FHIT: variants seen among roughly 807,000 people sequenced by gnomAD.
The protein encoded by FHIT is bis(5'-adenosyl)-triphosphatase.
A neutral mutation model predicts 17.9 loss-of-function variants in FHIT; 19 were observed. The observed-to-expected ratio is 1.06, with a 90% confidence interval of 0.74 to 1.56. The LOEUF is 1.56. Among genes scored for constraint, FHIT ranks in the 40% most tolerant of loss-of-function variants. FHIT has a pLI of 0.00. For synonymous variants in FHIT, 81 were observed against 69.7 expected (o/e 1.16, Z -0.81); for missense variants, 248 against 189.2 (o/e 1.31, Z -1.82).
intron 4 of FHIT, among the ~76,000 whole-genome samples, chr3:60,706,505 A>G (rs1553703602): frequency 6.6e-6 from 1 of 152,208 alleles, no homozygotes; most frequent in Non-Finnish European, 1.5e-5. Flanking sequence ...GTTAGAGGAC[A>G]AGTCTTTGGG....
intron 5 of FHIT, among the ~76,000 whole-genome samples, chr3:60,373,789 C>T (rs1243836794): frequency 6.6e-6 from 1 of 152,158 alleles, no homozygotes; most frequent in Non-Finnish European, 1.5e-5. Context: ...TCTTAAATCG[C>T]TCCTATTCCT....
intron 5 of FHIT, among the ~76,000 whole-genome samples, chr3:60,381,202 G>C (rs2107112315): frequency 6.6e-6 from 1 of 152,276 alleles, no homozygotes; most frequent in Middle Eastern, 3.4e-3. Flanking sequence ...AACAGGCTGG[G>C]CACGGTGGCT....
intron 4 of FHIT, among the ~76,000 whole-genome samples, chr3:60,568,102 A>T (rs1490863634): frequency 6.6e-6 from 1 of 152,202 alleles, no homozygotes. Flanking sequence ...CAATCCCATT[A>T]CTGAGTATAT....
intron 2 of FHIT, among the ~76,000 whole-genome samples, chr3:61,140,428 CT>C (rs1205378374): frequency 6.6e-6 from 1 of 152,144 alleles, no homozygotes; most frequent in Non-Finnish European, 1.5e-5. Flanking sequence ...ACATATCATC[CT>C]TTTTGCTATT....
At chr3:60,921,192 G>C (rs1707261720) in intron 3 of FHIT, among the ~76,000 whole-genome samples, 1 of 152,156 alleles carries the variant, frequency 6.6e-6, no homozygotes, top group Non-Finnish European at 1.5e-5. Flanking sequence ...CAGTGTCTTT[G>C]CTAAAACATT....
intron 1 of FHIT, among the ~76,000 whole-genome samples, chr3:61,209,869 T>A (rs2039398062): frequency 6.6e-6 from 1 of 152,208 alleles, no homozygotes; most frequent in Non-Finnish European, 1.5e-5. Flanking sequence ...CTGCGTTCCT[T>A]TGGAGGAGGA....
At chr3:60,797,155 C>T (rs1003338309) in intron 4 of FHIT, among the ~76,000 whole-genome samples, 6 of 152,146 alleles carry the variant, frequency 3.9e-5, no homozygotes, top group African/African-American at 1.4e-4. Context: ...TTCTGTGGCT[C>T]AGGATTTGGT....
At chr3:60,493,402 T>G (rs1346431658) in intron 5 of FHIT, among the ~76,000 whole-genome samples, 1 of 152,202 alleles carries the variant, frequency 6.6e-6, no homozygotes, top group African/African-American at 2.4e-5. Context: ...TTTCTCATCT[T>G]ATCAGGCAAG....
At chr3:60,144,828 A>G (rs1700173783) in intron 5 of FHIT, among the ~76,000 whole-genome samples, 1 of 152,288 alleles carries the variant, frequency 6.6e-6, no homozygotes, top group African/African-American at 2.4e-5. Flanking sequence ...AAATACCAGA[A>G]TGTATTTCTC....
At chr3:59,797,082 T>A (rs1191100116) in intron 8 of FHIT, among the ~76,000 whole-genome samples, 1 of 152,172 alleles carries the variant, frequency 6.6e-6, no homozygotes. Flanking sequence ...TCTAACACTA[T>A]TTTTGGAAAT....
rs1703736412 is a variant in FHIT at position 60,860,747 on chromosome 3, T to G, written c.-110-38736A>C. Reference sequence around the variant, plus strand: ...GTATATATGTACATATGTTCATATATATCAGGTATATATGATACATATGTA... The same window carrying G: ...GTATATATGTACATATGTTCATATAGATCAGGTATATATGATACATATGTA... On this transcript the variant is annotated intron_variant, in intron 3 of 9. Transcript: ENST00000492590. 5.3e-5 allele frequency among the ~76,000 whole-genome samples: 2 copies of G among 37,698 alleles called. 1 individual carries two copies. The highest frequency in any genetic ancestry group is 7.3e-4 in the Admixed American group (2 of 2,728). The allele number at this position is 37,698 out of a possible 152,430, so 24.7% of individuals were successfully genotyped here.
chr3:59,792,214 C>T (rs1699594783), intron 8 of FHIT, among the ~76,000 whole-genome samples: 1 of 152,130 alleles, frequency 6.6e-6, no homozygotes, highest in Admixed American at 6.6e-5. Context: ...GGCCTCAGAA[C>T]AGGTATATTA....
chr3:60,202,684 G>T (rs1049052941), intron 5 of FHIT, among the ~76,000 whole-genome samples: 1 of 152,142 alleles, frequency 6.6e-6, no homozygotes, highest in Non-Finnish European at 1.5e-5. Context: ...CCTTAAGTAA[G>T]AGAAGGTCCC....
intron 5 of FHIT, among the ~76,000 whole-genome samples, chr3:60,439,196 T>C (rs1001774382): frequency 1.3e-5 from 2 of 152,100 alleles, no homozygotes; most frequent in Non-Finnish European, 2.9e-5. Context: ...TGGGTAACAT[T>C]TATTTGAGAA....
intron 5 of FHIT, among the ~76,000 whole-genome samples, chr3:60,019,933 G>A (rs1023630808): frequency 2.6e-5 from 4 of 152,134 alleles, no homozygotes; most frequent in Admixed American, 1.3e-4. Flanking sequence ...GTAAACTTAT[G>A]GCAGAATAAT....
chr3:61,033,747 T>A (rs2033116146), intron 3 of FHIT, among the ~76,000 whole-genome samples: 1 of 152,216 alleles, frequency 6.6e-6, no homozygotes, highest in South Asian at 2.1e-4. Flanking sequence ...CCCAGGTCTT[T>A]CTTTTAATAA....
At chr3:60,111,092 AAGAAGAAAAAAAAGTAATCTGATAGACCG>A (rs1704648578) in intron 5 of FHIT, among the ~76,000 whole-genome samples, 1 of 152,204 alleles carries the variant, frequency 6.6e-6, no homozygotes, top group Non-Finnish European at 1.5e-5. Flanking sequence ...CTGATAGGCC[AAGAAGAAAAAAAAGTAATCTGATAGACCG>A]AGAAGAAAAA....
chr3:60,650,452 T>A (rs77747122), intron 4 of FHIT, among the ~76,000 whole-genome samples: 1,767 of 152,266 alleles, frequency 0.012, 43 homozygotes, highest in African/African-American at 0.04. Flanking sequence ...GTCCACTGTT[T>A]ATCACTTCAG....
chr3:60,418,943 A>G (rs751149376), intron 5 of FHIT, among the ~76,000 whole-genome samples: 1 of 152,178 alleles, frequency 6.6e-6, no homozygotes, highest in Non-Finnish European at 1.5e-5. Flanking sequence ...CTGAAAACAT[A>G]TAGAATTACA....
Sources: allele counts gnomAD v4.1 joint callset (sites outside exome capture counted in the v4.1 genomes callset), GRCh38; gene constraint gnomAD v4.1.1; transcripts MANE v1.5; gene names NCBI Gene and HGNC (gene_info 2026-07-23, HGNC 2026-07-21).